Variants in DLG2 observed in about 807,000 individuals in gnomAD.
The protein encoded by DLG2 is discs large MAGUK scaffold protein 2.
A neutral mutation model predicts 132.5 loss-of-function variants in DLG2; 45 were observed. That is an observed-to-expected ratio of 0.34 (90% CI 0.27 to 0.44). The LOEUF is 0.44. Among genes scored for constraint, DLG2 ranks in the 20% least tolerant of loss-of-function variants. The pLI, the probability that DLG2 is intolerant of heterozygous loss-of-function variation, is 1.00. For synonymous variants in DLG2, 424 were observed against 419.6 expected (o/e 1.01, Z -0.13); for missense variants, 1,045 against 1,196.9 (o/e 0.87, Z 1.87).
rs542731236 is a variant in DLG2 at position 84,717,519 on chromosome 11, GA to G, written c.358-182789del. On this transcript the variant is annotated intron_variant, in intron 6 of 27. Coordinates refer to ENST00000376104, the MANE Select transcript of DLG2 (RefSeq NM_001142699.3). The stretch of plus-strand genomic sequence containing the variant: ...CTAGTGTGGTCAATAAATATTTGCT[GA>G]TCAAATGGAATAATAGTATAATTTG... Among the ~76,000 whole-genome samples, 1,196 of 152,038 alleles carry G rather than the reference GA, an allele frequency of 7.9e-3. 12 individuals are homozygous for G. The highest frequency in any genetic ancestry group is 0.028 in the African/African-American group (1,144 of 41,534).
intron 17 of DLG2, among the ~76,000 whole-genome samples, chr11:83,798,041 A>G (rs1167702116): frequency 2.6e-5 from 4 of 152,244 alleles, no homozygotes; most frequent in Admixed American, 2.0e-4. Context: ...GCCTGGCTAC[A>G]GGACTCTGAG....
rs184739968 is a variant in DLG2, at chr11:84,475,251, C to A, written c.519+59319G>T. ...GTGTATCTCATTAAAAAAAATATTA[C>A]AACACATTTTTCTTTTCTGATATGT... On this transcript the variant is annotated intron_variant, in intron 7 of 27. Transcript: ENST00000376104. Among the ~76,000 whole-genome samples, 273 of 152,122 alleles carry A rather than the reference C, an allele frequency of 1.8e-3. 3 individuals are homozygous for A. The highest frequency in any genetic ancestry group is 8.5e-3 in the South Asian group (41 of 4,822).
At chr11:85,472,465 A>G (rs930941206) in intron 3 of DLG2, among the ~76,000 whole-genome samples, 2 of 151,914 alleles carry the variant, frequency 1.3e-5, no homozygotes, top group African/African-American at 4.8e-5. Flanking sequence ...AAGCCCAGCT[A>G]ATTTTTGTAT....
intron 6 of DLG2, among the ~76,000 whole-genome samples, chr11:84,642,604 G>C (rs1261705638): frequency 6.6e-6 from 1 of 152,066 alleles, no homozygotes; most frequent in Non-Finnish European, 1.5e-5. Context: ...AAGGAGATAG[G>C]AATTAAGTAA....
intron 7 of DLG2, among the ~76,000 whole-genome samples, chr11:84,301,947 C>T (rs2098160646): frequency 6.6e-6 from 1 of 152,006 alleles, no homozygotes; most frequent in South Asian, 2.1e-4. Context: ...TGGAACCAAC[C>T]CAAATGCCCG....
At chr11:85,165,528 G>A (rs1456544320) in intron 4 of DLG2, among the ~76,000 whole-genome samples, 1 of 152,104 alleles carries the variant, frequency 6.6e-6, no homozygotes, top group Admixed American at 6.6e-5. Context: ...AACTCTATAA[G>A]GAAAGTACTT....
intron 15 of DLG2, among the ~76,000 whole-genome samples, chr11:83,926,943 A>G (rs1403999121): frequency 6.6e-6 from 1 of 152,174 alleles, no homozygotes; most frequent in Non-Finnish European, 1.5e-5. Context: ...CTCACGAAGA[A>G]CTGACAGGTG....
intron 3 of DLG2, among the ~76,000 whole-genome samples, chr11:85,467,341 A>G (rs1416017349): frequency 6.6e-6 from 1 of 152,110 alleles, no homozygotes; most frequent in Non-Finnish European, 1.5e-5. Context: ...AACTTCCAAC[A>G]CTATGTTGAA....
In DLG2 at chr11:84,944,544, A is replaced by G. The variant is rs1458929235; in HGVS notation, c.357+167117T>C. Among the ~76,000 whole-genome samples, 3 of 150,970 alleles carry G rather than the reference A, an allele frequency of 2.0e-5. No individual in the cohort carries two copies. The South Asian group carries it at 6.3e-4, about 32-fold the overall frequency. On this transcript the variant is annotated intron_variant, in intron 6 of 27. Transcript: ENST00000376104. The stretch of plus-strand genomic sequence containing the variant: ...CTCTTATGCATTGTTCAATATATCA[A>G]TTGAATTTTTCAGCTCCAGAATTTA...
intron 6 of DLG2, among the ~76,000 whole-genome samples, chr11:84,561,998 T>C (rs1321010140): frequency 2.0e-5 from 3 of 152,144 alleles, no homozygotes; most frequent in South Asian, 2.1e-4. Flanking sequence ...CAAAATTTCA[T>C]GTAATCCATA....
At chr11:83,921,851 C>CT (rs34008073) in intron 15 of DLG2, among the ~76,000 whole-genome samples, 6 of 151,792 alleles carry the variant, frequency 4.0e-5, no homozygotes, top group Admixed American at 2.0e-4. Flanking sequence ...TCACTTTTAA[C>CT]TTTTTTTTAA....
chr11:84,265,735 A>G (rs559860810), intron 7 of DLG2, among the ~76,000 whole-genome samples: 1 of 152,210 alleles, frequency 6.6e-6, no homozygotes, highest in Admixed American at 6.5e-5. Flanking sequence ...CAGCAGCAGC[A>G]GCAAGAGTAA....
intron 2 of DLG2, among the ~76,000 whole-genome samples, chr11:85,610,781 A>G (rs1481679443): frequency 6.6e-6 from 1 of 152,248 alleles, no homozygotes; most frequent in Non-Finnish European, 1.5e-5. Context: ...TCTTAGCCAG[A>G]GGGGCCAGGG....
intron 3 of DLG2, among the ~76,000 whole-genome samples, chr11:85,293,422 T>C (rs1034741759): frequency 3.3e-5 from 5 of 152,116 alleles, no homozygotes; most frequent in Non-Finnish European, 7.4e-5. Context: ...AAGGTACTTA[T>C]AAAATTATTT....
intron 4 of DLG2, among the ~76,000 whole-genome samples, chr11:85,167,129 T>C (rs1196192637): frequency 6.6e-6 from 1 of 152,084 alleles, no homozygotes; most frequent in Non-Finnish European, 1.5e-5. Context: ...CCATATAAAC[T>C]CTAAAAATAT....
chr11:84,027,865 C>T (rs576345649), intron 11 of DLG2, among the ~76,000 whole-genome samples: 2 of 151,934 alleles, frequency 1.3e-5, no homozygotes, highest in South Asian at 2.1e-4. Flanking sequence ...ATTTAAAATT[C>T]CAGAGCATTT....
chr11:84,310,948 G>A (rs2098280632), intron 7 of DLG2, among the ~76,000 whole-genome samples: 1 of 152,178 alleles, frequency 6.6e-6, no homozygotes, highest in Admixed American at 6.5e-5. Flanking sequence ...TTCGAACACA[G>A]TTGTTCTTGC....
At chr11:84,486,848 A>G (rs2099152327) in intron 7 of DLG2, among the ~76,000 whole-genome samples, 1 of 152,160 alleles carries the variant, frequency 6.6e-6, no homozygotes, top group African/African-American at 2.4e-5. Flanking sequence ...AAGATATTCA[A>G]GACCCTGGCT....
At chr11:84,693,064 G>T (rs2153727614) in intron 6 of DLG2, among the ~76,000 whole-genome samples, 1 of 151,710 alleles carries the variant, frequency 6.6e-6, no homozygotes, top group Admixed American at 6.6e-5. Context: ...CTGTTTTCCT[G>T]GGAAATGTTC....
Sources: allele counts gnomAD v4.1 joint callset (sites outside exome capture counted in the v4.1 genomes callset), GRCh38; gene constraint gnomAD v4.1.1; transcripts MANE v1.5; gene names NCBI Gene and HGNC (gene_info 2026-07-23, HGNC 2026-07-21).